LRP1B: variants seen among roughly 807,000 people sequenced by gnomAD.
LRP1B encodes the protein LDL receptor related protein 1B.
Under a neutral mutation model 556.6 loss-of-function variants are expected in LRP1B, and 217 were observed. That is an observed-to-expected ratio of 0.39 (90% CI 0.35 to 0.44). LRP1B has a LOEUF of 0.44. Among genes scored for constraint, LRP1B ranks in the 20% least tolerant of loss-of-function variants. LRP1B has a pLI of 1.00. For synonymous variants in LRP1B, 2,047 were observed against 1,865.8 expected, an observed-to-expected ratio of 1.10 and a Z score of -2.50; for missense variants, 5,053 against 5,620.8, an observed-to-expected ratio of 0.90 and a Z score of 3.23.
At chr2:140,775,467 ATTTTTT>A (rs61535948) in intron 33 of LRP1B, among the ~76,000 whole-genome samples, 3 of 111,188 alleles carry the variant, frequency 2.7e-5, no homozygotes, top group Non-Finnish European at 3.4e-5. Flanking sequence ...TTTTTGGTTG[ATTTTTT>A]TTTTTTTTTT....
chr2:141,063,277 T>C (rs1699389952), intron 7 of LRP1B, among the ~76,000 whole-genome samples: 1 of 151,846 alleles, frequency 6.6e-6, no homozygotes, highest in Non-Finnish European at 1.5e-5. Context: ...GTTACTTTTC[T>C]CAACATACTT....
chr2:142,082,901 G>C (rs1191061785), intron 1 of LRP1B, among the ~76,000 whole-genome samples: 1 of 152,038 alleles, frequency 6.6e-6, no homozygotes, highest in Non-Finnish European at 1.5e-5. Flanking sequence ...TTTGTGGCCA[G>C]GATGAGGACA....
intron 50 of LRP1B, 27 bp from the exon 51 acceptor site, chr2:140,514,799 AAAAT>A (rs997463022): frequency 1.9e-6 from 3 of 1,598,438 alleles, no homozygotes; most frequent in African/African-American, 1.4e-5. Flanking sequence ...AGGAAAAAAA[AAAAT>A]AGTTTGAGAC....
intron 1 of LRP1B, among the ~76,000 whole-genome samples, chr2:141,839,945 CA>C (rs377735019): frequency 8.0e-4 from 122 of 152,206 alleles, no homozygotes; most frequent in South Asian, 5.8e-3. Flanking sequence ...GTCTTCCCAG[CA>C]TTTGTTAAAG....
intron 11 of LRP1B, among the ~76,000 whole-genome samples, chr2:141,042,091 G>A (rs754146247): frequency 3.9e-5 from 6 of 152,028 alleles, no homozygotes; most frequent in Non-Finnish European, 5.9e-5. Context: ...AATGTTCCAA[G>A]GTTCTCTCAC....
chr2:141,944,086 G>C (rs952781251), intron 1 of LRP1B, among the ~76,000 whole-genome samples: 1 of 152,028 alleles, frequency 6.6e-6, no homozygotes, highest in Non-Finnish European at 1.5e-5. Flanking sequence ...GAGGTTCTCC[G>C]GGGACCCGTT....
chr2:140,267,189 T>C (rs1247009000), intron 86 of LRP1B, among the ~76,000 whole-genome samples: 1 of 152,086 alleles, frequency 6.6e-6, no homozygotes, highest in Admixed American at 6.6e-5. Context: ...CTGCTATTAA[T>C]TAATTGTCTT....
chr2:140,535,835 C>T (rs1021333926), intron 46 of LRP1B, among the ~76,000 whole-genome samples: 1 of 152,138 alleles, frequency 6.6e-6, no homozygotes, highest in African/African-American at 2.4e-5. Context: ...TGTTGACTAT[C>T]ACTTGGTGTT....
intron 41 of LRP1B, among the ~76,000 whole-genome samples, chr2:140,672,408 C>G (rs1685517425): frequency 6.8e-6 from 1 of 146,840 alleles, no homozygotes; most frequent in African/African-American, 2.5e-5. Flanking sequence ...CGCTTGAACC[C>G]AGGAAGCAGA....
chr2:141,138,168 A>C (rs1293100834), intron 7 of LRP1B, among the ~76,000 whole-genome samples: 1 of 151,994 alleles, frequency 6.6e-6, no homozygotes, highest in Non-Finnish European at 1.5e-5. Context: ...TCATATTTAC[A>C]AATTAAATCA....
intron 11 of LRP1B, among the ~76,000 whole-genome samples, chr2:141,021,746 CT>C (rs1698069490): frequency 1.3e-5 from 2 of 151,844 alleles, no homozygotes; most frequent in East Asian, 3.9e-4. Context: ...AGTTACAATG[CT>C]GTATGGATGA....
intron 21 of LRP1B, among the ~76,000 whole-genome samples, chr2:140,911,455 T>TA (rs1431755587): frequency 1.3e-5 from 2 of 151,720 alleles, no homozygotes; most frequent in African/African-American, 2.4e-5. Flanking sequence ...TAGCTTATTT[T>TA]AAAAAAATGA....
At chr2:141,844,056 G>C (rs545193610) in intron 1 of LRP1B, among the ~76,000 whole-genome samples, 20 of 152,044 alleles carry the variant, frequency 1.3e-4, no homozygotes, top group Non-Finnish European at 2.5e-4. Context: ...TGCACTATGA[G>C]CAATGAAGAA....
intron 35 of LRP1B, among the ~76,000 whole-genome samples, chr2:140,742,013 G>T (rs1688159242): frequency 6.6e-6 from 1 of 152,080 alleles, no homozygotes. Context: ...ATCCGTTCAT[G>T]GCTTTCAGCT....
intron 25 of LRP1B, 100 bp from the exon 26 acceptor site, chr2:140,868,363 G>A: frequency 1.8e-6 from 2 of 1,105,182 alleles, no homozygotes; most frequent in Admixed American, 3.1e-5. Context: ...CTGGATAGGT[G>A]ATAAGTCACA....
intron 43 of LRP1B, among the ~76,000 whole-genome samples, chr2:140,558,885 G>A (rs1348328846): frequency 6.6e-6 from 1 of 150,744 alleles, no homozygotes; most frequent in African/African-American, 2.4e-5. Flanking sequence ...GCAGTGAGTT[G>A]TAATGCCACC....
At chr2:141,150,869 T>TTGTGTG (rs56107003) in intron 7 of LRP1B, among the ~76,000 whole-genome samples, 10,733 of 138,414 alleles carry the variant, frequency 0.078, 467 homozygotes, top group Middle Eastern at 0.12. Flanking sequence ...TCATGCTGGT[T>TTGTGTG]TGTGTGTGTG....
intron 86 of LRP1B, among the ~76,000 whole-genome samples, chr2:140,251,625 T>G (rs557753535): frequency 2.2e-4 from 33 of 152,064 alleles, no homozygotes; most frequent in Admixed American, 4.6e-4. Context: ...GTTGCCCTTA[T>G]TAACCATGAT....
At chr2:141,041,408 G>A (rs1003993510) in intron 11 of LRP1B, among the ~76,000 whole-genome samples, 15 of 152,198 alleles carry the variant, frequency 9.9e-5, no homozygotes, top group South Asian at 8.3e-4. Flanking sequence ...GGAGTCTCAG[G>A]AAGAGTCCAT....
Sources: gnomAD v4.1 joint callset for allele counts (sites outside exome capture counted in the v4.1 genomes callset) on GRCh38, gnomAD v4.1.1 for gene constraint, MANE v1.5 for transcripts, NCBI Gene and HGNC (gene_info 2026-07-23, HGNC 2026-07-21) for gene names.